SPDYE3: variants seen among roughly 807,000 people sequenced by gnomAD.
The protein encoded by SPDYE3 is speedy/RINGO cell cycle regulator family member E3.
A neutral mutation model predicts 55.0 loss-of-function variants in SPDYE3; 15 were observed. That is an observed-to-expected ratio of 0.27 (90% CI 0.18 to 0.42). The LOEUF (loss-of-function observed/expected upper bound fraction) is 0.42. Among genes scored for constraint, SPDYE3 ranks in the 10% least tolerant of loss-of-function variants. SPDYE3 has a pLI of 1.00. For missense variants in SPDYE3, 236 were observed against 576.7 expected (o/e 0.41, Z 6.05); for synonymous variants, 89 against 229.9 (o/e 0.39, Z 5.55).
chr7:100,309,646 G>A (rs1412737464), intron 2 of SPDYE3, among the ~76,000 whole-genome samples: 1 of 132,066 alleles, frequency 7.6e-6, no homozygotes, highest in Admixed American at 7.4e-5. Flanking sequence ...GCTTGAGCCT[G>A]GGAGGAAGAG....
chr7:100,309,720 CAA>C (rs543681985), intron 2 of SPDYE3, among the ~76,000 whole-genome samples: 9 of 47,450 alleles, frequency 1.9e-4, no homozygotes, highest in East Asian at 1.5e-3. Context: ...GACGCTGTCT[CAA>C]AAAAAAAAAA....
intron 6 of SPDYE3, among the ~76,000 whole-genome samples, chr7:100,315,526 G>C (rs964071277): frequency 5.3e-5 from 8 of 152,054 alleles, no homozygotes; most frequent in Non-Finnish European, 8.8e-5. Context: ...TCTGCTGGAG[G>C]GGGTCCCGGC....
Position 100,314,535 on chromosome 7 carries a change from C to A in SPDYE3, c.986C>A (p.Pro329His), listed in dbSNP as rs780132698. The change falls in exon 6 of 11, where the codon CCT (proline) becomes CAT (histidine). Residue 329 changes from proline to histidine, a missense_variant. Transcript: ENST00000332397. The stretch of plus-strand genomic sequence containing the variant: ...GTGGCCTGGTTTCTTTACTCAGCCC[C>A]TGGGGTAGATCCCAGCCCCCCGCGT... Reference protein sequence around the residue: ...YYEAFNRLLAPGVDPSPPRRS... With the variant: ...YYEAFNRLLAHGVDPSPPRRS... 7.2e-7 allele frequency: 1 copy of A among 1,388,482 alleles called. No individual in the cohort carries two copies. Among genetic ancestry groups the A allele is most frequent in the East Asian group, 2.4e-5 (1 of 42,198 alleles). The allele number at this position is 1,388,482 out of a possible 1,614,324, so 86.0% of individuals were successfully genotyped here. A position where few individuals can be genotyped will look rare whatever the true frequency, so the allele number is the denominator to read the frequency against.
At position 100,316,737 on chromosome 7, in the gene SPDYE3, G is replaced by C. The variant is rs551362413; in HGVS notation, c.1261-333G>C. ...CTGGCTGCAGTCCTGAAGCTCCTGG[G>C]CCCTCTACTCTCAGCTCCTTGGGAC... On this transcript the variant is annotated intron_variant, in intron 7 of 10. Transcript: ENST00000332397. Among the ~76,000 whole-genome samples the C allele has an allele frequency of 3.9e-5, 6 of 152,114 alleles. No homozygotes were observed. The East Asian group carries it at 1.2e-3, about 29-fold the overall frequency.
At chr7:100,316,550 A>G (rs1396756322) in intron 7 of SPDYE3, among the ~76,000 whole-genome samples, 2 of 152,122 alleles carry the variant, frequency 1.3e-5, no homozygotes, top group East Asian at 3.9e-4. Context: ...CACCTCTCAA[A>G]AAGTACTGGG....
intron 8 of SPDYE3, among the ~76,000 whole-genome samples, chr7:100,318,011 A>G (rs1372112784): frequency 2.0e-5 from 3 of 151,700 alleles, no homozygotes; most frequent in Non-Finnish European, 4.4e-5. Flanking sequence ...AAAAAACAAA[A>G]GGAACCATGA....
chr7:100,310,165 G>T (rs1805925443), intron 2 of SPDYE3, among the ~76,000 whole-genome samples, 195 bp from the exon 3 acceptor site: 1 of 137,892 alleles, frequency 7.3e-6, no homozygotes, highest in South Asian at 2.3e-4. Context: ...GTGTTCTGAG[G>T]ACAGAGAGAG....
At chr7:100,315,439 G>C (rs1044989589) in intron 6 of SPDYE3, among the ~76,000 whole-genome samples, 3 of 152,098 alleles carry the variant, frequency 2.0e-5, no homozygotes, top group African/African-American at 7.2e-5. Context: ...CCAAGGCCAT[G>C]GTCACACCCT....
chr7:100,316,484 C>T (rs866929411), intron 7 of SPDYE3, among the ~76,000 whole-genome samples: 3 of 152,128 alleles, frequency 2.0e-5, no homozygotes, highest in Non-Finnish European at 4.4e-5. Flanking sequence ...AACAGGGTCT[C>T]GCTGTGTTGC....
At chr7:100,308,741 G>A (rs1209054786) in intron 1 of SPDYE3, among the ~76,000 whole-genome samples, 1 of 151,094 alleles carries the variant, frequency 6.6e-6, no homozygotes, top group Non-Finnish European at 1.5e-5. Context: ...GCCTCAGAGA[G>A]CCAGGGACCA....
intron 8 of SPDYE3, among the ~76,000 whole-genome samples, chr7:100,317,618 C>CAA (rs74212832): frequency 1.9e-4 from 20 of 104,732 alleles, no homozygotes; most frequent in African/African-American, 6.4e-4. Flanking sequence ...ACAAAAGAGC[C>CAA]AAAAAAAAAA....
chr7:100,317,645 C>T (rs1488636925), intron 8 of SPDYE3, among the ~76,000 whole-genome samples: 3 of 149,748 alleles, frequency 2.0e-5, no homozygotes, highest in Admixed American at 6.7e-5. Flanking sequence ...GCAAAAAAAC[C>T]AAACTCCAAT....
intron 4 of SPDYE3, among the ~76,000 whole-genome samples, chr7:100,312,851 G>A (rs1480081611): frequency 3.4e-5 from 5 of 145,852 alleles, no homozygotes; most frequent in East Asian, 3.9e-4. Flanking sequence ...ACTCCAGCCT[G>A]GGTGACAAAG....
At chr7:100,310,027 T>C (rs1043852729) in intron 2 of SPDYE3, among the ~76,000 whole-genome samples, 5 of 136,414 alleles carry the variant, frequency 3.7e-5, no homozygotes, top group Non-Finnish European at 8.1e-5. Flanking sequence ...ATCCGGGAGA[T>C]AGATGTTGCA....
At chr7:100,318,458 C>T (rs1789492841) in intron 8 of SPDYE3, among the ~76,000 whole-genome samples, 1 of 152,206 alleles carries the variant, frequency 6.6e-6, no homozygotes, top group Non-Finnish European at 1.5e-5. Flanking sequence ...ATGCCCTCCA[C>T]TTGACTTTGC....
chr7:100,316,605 A>G (rs1313019675), intron 7 of SPDYE3, among the ~76,000 whole-genome samples: 4 of 152,070 alleles, frequency 2.6e-5, no homozygotes, highest in Admixed American at 1.3e-4. Flanking sequence ...TTGTCTTTTT[A>G]TGATTTGTCA....
chr7:100,308,106 G>C, intron 1 of SPDYE3, 115 bp downstream of exon 1: 1 of 1,329,150 alleles, frequency 7.5e-7, no homozygotes, highest in Non-Finnish European at 9.9e-7. Flanking sequence ...GAGGCGGGCA[G>C]ATCACCTGAG....
rs2129980614 is a variant in SPDYE3, at chr7:100,319,995, C to T, written c.*5C>T. ...GATCGCGCCCACCTTTCCTAGAGCT[C>T]CAGGGACCGTGGAGGCCTGAGGTCA... On this transcript the variant is annotated 3_prime_UTR_variant, in exon 10 of 11. Transcript: ENST00000332397. 6.2e-7 allele frequency: 1 copy of T among 1,608,920 alleles called. No homozygotes were observed. Among genetic ancestry groups the T allele is most frequent in the East Asian group, 2.2e-5 (1 of 44,878 alleles).
chr7:100,313,164 C>G lies in SPDYE3; in HGVS notation c.788C>G (p.Pro263Arg). Residue 263 changes from proline to arginine, a missense_variant, in exon 5 of 11, where the codon CCA (proline) becomes CGA (arginine). By Grantham distance (103) the Pro-to-Arg change is moderately radical. Coordinates refer to ENST00000332397, the MANE Select transcript of SPDYE3 (RefSeq NM_001004351.5). Reference protein sequence around the residue: ...LLAPGVDPSPPRRSLGCKRKR... With the variant: ...LLAPGVDPSPRRRSLGCKRKR... ...GCCCCTGGGGTAGATCCCAGCCCCC[C>G]ACGTAGGTCCCTTGGCTGCAAAAGG... 3 of 903,652 alleles carry G rather than the reference C, an allele frequency of 3.3e-6. No homozygotes were observed. The highest frequency in any genetic ancestry group is 4.9e-6 in the Non-Finnish European group (3 of 609,872). 56.0% of individuals were successfully genotyped at this position (903,652 alleles called of 1,614,324 possible). A position where few individuals can be genotyped will look rare whatever the true frequency, so the allele number is the denominator to read the frequency against.
Sources: allele counts gnomAD v4.1 joint callset (sites outside exome capture counted in the v4.1 genomes callset), GRCh38; gene constraint gnomAD v4.1.1; transcripts MANE v1.5; gene names NCBI Gene and HGNC (gene_info 2026-07-23, HGNC 2026-07-21).